TMEM135: variants seen among roughly 807,000 people sequenced by gnomAD.
TMEM135 encodes peroxisomal membrane protein 52.
A neutral mutation model predicts 60.3 loss-of-function variants in TMEM135; 30 were observed. The ratio of observed to expected loss-of-function variants is 0.50; its 90% CI spans 0.37 to 0.68. The LOEUF is 0.68. Ranked by LOEUF, TMEM135 falls within the 30% of genes least tolerant of loss-of-function variation. The probability of loss-of-function intolerance (pLI) is 0.00; values close to 1 mark genes in which losing one functional copy is unlikely to be tolerated. For synonymous variants in TMEM135, 190 were observed against 186.7 expected (o/e 1.02, Z -0.14); for missense variants, 468 against 548.8 (o/e 0.85, Z 1.47).
intron 5 of TMEM135, among the ~76,000 whole-genome samples, chr11:87,206,185 A>G (rs1940229975): frequency 6.6e-6 from 1 of 152,178 alleles, no homozygotes; most frequent in Admixed American, 6.5e-5. Context: ...ACTCTGTTTT[A>G]GACTGTTGGC....
At chr11:87,195,314 T>TTCCTTCC (rs1939910700) in intron 5 of TMEM135, among the ~76,000 whole-genome samples, 12 of 65,728 alleles carry the variant, frequency 1.8e-4, no homozygotes, top group Admixed American at 6.4e-4. Context: ...TTTCTTTCTC[T>TTCCTTCC]TTCCTTCCTT....
At chr11:87,176,023 T>A (rs752372895) in intron 5 of TMEM135, among the ~76,000 whole-genome samples, 1 of 152,170 alleles carries the variant, frequency 6.6e-6, no homozygotes, top group Non-Finnish European at 1.5e-5. Context: ...TGTTTGCACA[T>A]CATTTTTATT....
chr11:87,318,429 G>A (rs1277784399), intron 13 of TMEM135, among the ~76,000 whole-genome samples, 194 bp downstream of exon 13: 1 of 150,908 alleles, frequency 6.6e-6, no homozygotes, highest in East Asian at 1.9e-4. Context: ...AACCTAATGC[G>A]CTAGGTCCTT....
chr11:87,057,496 G>A (rs1949904730), intron 1 of TMEM135, among the ~76,000 whole-genome samples: 1 of 152,138 alleles, frequency 6.6e-6, no homozygotes, highest in Non-Finnish European at 1.5e-5. Context: ...TGAGTTACAA[G>A]ATCTGAGTTT....
chr11:87,075,511 C>T (rs148820994), intron 3 of TMEM135, among the ~76,000 whole-genome samples: 32 of 152,230 alleles, frequency 2.1e-4, no homozygotes, highest in Middle Eastern at 3.4e-3. Context: ...CAGGCTGGGC[C>T]GGTCCTGAGC....
intron 3 of TMEM135, among the ~76,000 whole-genome samples, chr11:87,089,138 A>G (rs1591010070): frequency 6.6e-6 from 1 of 152,332 alleles, no homozygotes; most frequent in Non-Finnish European, 1.5e-5. Flanking sequence ...TTCATTATGT[A>G]TATGCAAATA....
At chr11:87,176,529 G>A (rs190908729) in intron 5 of TMEM135, among the ~76,000 whole-genome samples, 70 of 152,298 alleles carry the variant, frequency 4.6e-4, no homozygotes, top group African/African-American at 1.7e-3. Flanking sequence ...AGATGGTTCA[G>A]TAGGGATGTG....
At chr11:87,269,686 A>G (rs1415275764) in intron 6 of TMEM135, among the ~76,000 whole-genome samples, 1 of 151,104 alleles carries the variant, frequency 6.6e-6, no homozygotes, top group Admixed American at 6.6e-5. Flanking sequence ...ATCGTTTTTT[A>G]TGGCTGCATA....
At chr11:87,135,901 C>T (rs906248617) in intron 4 of TMEM135, among the ~76,000 whole-genome samples, 1 of 151,810 alleles carries the variant, frequency 6.6e-6, no homozygotes, top group African/African-American at 2.4e-5. Flanking sequence ...TTTATGTTTT[C>T]TTTAATTTTT....
chr11:87,222,649 C>CA (rs1476519875), intron 5 of TMEM135, among the ~76,000 whole-genome samples: 2 of 145,614 alleles, frequency 1.4e-5, no homozygotes, highest in East Asian at 2.1e-4. Flanking sequence ...ATTAAAAATA[C>CA]AAAAAATAGC....
chr11:87,315,289 C>A (rs2135452723), intron 12 of TMEM135, among the ~76,000 whole-genome samples: 1 of 151,992 alleles, frequency 6.6e-6, no homozygotes, highest in African/African-American at 2.4e-5. Flanking sequence ...TGTTGTTTAA[C>A]ATGTTTCTTT....
At chr11:87,170,284 C>G (rs1203628932) in intron 5 of TMEM135, among the ~76,000 whole-genome samples, 1 of 151,778 alleles carries the variant, frequency 6.6e-6, no homozygotes, top group Non-Finnish European at 1.5e-5. Flanking sequence ...AAGCCTATTT[C>G]TGTCATTCCT....
intron 4 of TMEM135, among the ~76,000 whole-genome samples, chr11:87,124,377 C>T (rs1050331533): frequency 1.3e-5 from 2 of 152,110 alleles, no homozygotes; most frequent in Non-Finnish European, 2.9e-5. Context: ...TGCCTTTAAC[C>T]TCAAATTTTA....
intron 5 of TMEM135, among the ~76,000 whole-genome samples, chr11:87,183,046 A>G (rs1300390161): frequency 1.3e-5 from 2 of 151,408 alleles, no homozygotes; most frequent in Admixed American, 1.3e-4. Flanking sequence ...AGAGAAAGCT[A>G]TTGATTGAAG....
intron 2 of TMEM135, among the ~76,000 whole-genome samples, chr11:87,070,157 G>GT (rs1856747710): frequency 6.6e-6 from 1 of 151,964 alleles, no homozygotes; most frequent in Non-Finnish European, 1.5e-5. Context: ...TGGTGACAGG[G>GT]CAAGACCTTG....
At chr11:87,050,647 A>G (rs1443431251) in intron 1 of TMEM135, among the ~76,000 whole-genome samples, 1 of 28,768 alleles carries the variant, frequency 3.5e-5, no homozygotes, top group African/African-American at 3.4e-4. Context: ...GACCAATAAC[A>G]GGCTCTGAAA....
At chr11:87,187,087 A>C (rs1939672173) in intron 5 of TMEM135, among the ~76,000 whole-genome samples, 1 of 152,156 alleles carries the variant, frequency 6.6e-6, no homozygotes, top group South Asian at 2.1e-4. Flanking sequence ...TGGGTTCTCA[A>C]ACTTATTTTG....
intron 4 of TMEM135, among the ~76,000 whole-genome samples, chr11:87,141,564 T>G (rs1383050457): frequency 6.6e-6 from 1 of 152,150 alleles, no homozygotes; most frequent in African/African-American, 2.4e-5. Flanking sequence ...TTTATTTTTA[T>G]AATATCTTTT....
At chr11:87,135,304 T>A (rs1284361693) in intron 4 of TMEM135, among the ~76,000 whole-genome samples, 1 of 152,096 alleles carries the variant, frequency 6.6e-6, no homozygotes, top group East Asian at 1.9e-4. Flanking sequence ...AAATTTTGCC[T>A]AATCTAAGGT....
Sources: gnomAD v4.1 joint callset for allele counts (sites outside exome capture counted in the v4.1 genomes callset) on GRCh38, gnomAD v4.1.1 for gene constraint, MANE v1.5 for transcripts, NCBI Gene and HGNC (gene_info 2026-07-23, HGNC 2026-07-21) for gene names.